The following MTPN variants were observed in gnomAD, a reference collection of about 807,000 sequenced individuals.
The protein encoded by MTPN is granule cell differentiation protein.
Under a neutral mutation model 13.5 loss-of-function variants are expected in MTPN, and 2 were observed. The ratio of observed to expected loss-of-function variants is 0.15; its 90% CI spans 0.06 to 0.47. MTPN has a LOEUF of 0.47. Among genes scored for constraint, MTPN ranks in the 20% least tolerant of loss-of-function variants. The pLI, the probability that MTPN is intolerant of heterozygous loss-of-function variation, is 0.97. For synonymous variants in MTPN, 46 were observed against 51.7 expected, an observed-to-expected ratio of 0.89 and a Z score of 0.48; for missense variants, 79 against 137.9, an observed-to-expected ratio of 0.57 and a Z score of 2.14.
At chr7:135,949,689 T>C (rs73164907) in intron 3 of MTPN, among the ~76,000 whole-genome samples, 12,077 of 152,278 alleles carry the variant, frequency 0.079, 540 homozygotes, top group South Asian at 0.15. Context: ...TTCCCAATTT[T>C]CTTCGTATCT....
intron 3 of MTPN, among the ~76,000 whole-genome samples, chr7:135,936,858 T>C (rs779599031): frequency 6.6e-6 from 1 of 152,208 alleles, no homozygotes; most frequent in East Asian, 1.9e-4. Flanking sequence ...TTTTAAGGCA[T>C]TGCAAGTAAT....
intron 1 of MTPN, among the ~76,000 whole-genome samples, chr7:135,965,589 A>G (rs992408884): frequency 8.5e-5 from 13 of 152,134 alleles, no homozygotes; most frequent in African/African-American, 3.1e-4. Flanking sequence ...AAGCATGCAC[A>G]AAACTATCTT....
At chr7:135,940,955 T>C (rs187244567) in intron 3 of MTPN, among the ~76,000 whole-genome samples, 9 of 152,334 alleles carry the variant, frequency 5.9e-5, no homozygotes, top group East Asian at 1.9e-4. Flanking sequence ...TACTGGAACA[T>C]ACCTAGGCTC....
chr7:135,935,002 G>A (rs1799092612), intron 3 of MTPN, among the ~76,000 whole-genome samples: 1 of 152,118 alleles, frequency 6.6e-6, no homozygotes, highest in African/African-American at 2.4e-5. Flanking sequence ...TAAATACCTT[G>A]AATTCAACCT....
chr7:135,957,820 T>TCC (rs1355189178), intron 1 of MTPN, among the ~76,000 whole-genome samples: 11 of 152,080 alleles, frequency 7.2e-5, no homozygotes, highest in African/African-American at 2.7e-4. Context: ...TGGCACCTCC[T>TCC]CCCTCCCTTG....
In MTPN at chr7:135,950,478, T is replaced by A; in HGVS notation, c.270+121A>T. ...ATTTTGAGTAACACTACACTTCAATTTTGTATATTGCTTCCAGTTTTCTGT... is the reference window on the plus strand; with the variant it reads ...ATTTTGAGTAACACTACACTTCAATATTGTATATTGCTTCCAGTTTTCTGT... On this transcript the variant is annotated intron_variant, in intron 3 of 3. Transcript: ENST00000393085. The A allele has an allele frequency of 3.7e-6, 3 of 810,014 alleles. No individual in the cohort carries two copies. The South Asian group carries it at 5.0e-5, about 14-fold the overall frequency. The allele number at this position is 810,014 out of a possible 1,614,324, so 50.2% of individuals were successfully genotyped here. A position where few individuals can be genotyped will look rare whatever the true frequency, so the allele number is the denominator to read the frequency against.
In MTPN at chr7:135,928,698, G is replaced by C. The variant is rs917861206; in HGVS notation, c.*1228C>G. On this transcript the variant is annotated 3_prime_UTR_variant, in exon 4 of 4. Coordinates refer to ENST00000393085, the MANE Select transcript of MTPN (RefSeq NM_145808.4). ...TGTAAATATTTTCTGCAGGTCATAA[G>C]AACACCATTTTAGGGCACTGTATTC... 1.2e-5 allele frequency: 2 copies of C among 166,954 alleles called. No homozygotes were observed. Among genetic ancestry groups the C allele is most frequent in the African/African-American group, 4.8e-5 (2 of 41,436 alleles). The allele number at this position is 166,954 out of a possible 1,614,324, so 10.3% of individuals were successfully genotyped here. A position where few individuals can be genotyped will look rare whatever the true frequency, so the allele number is the denominator to read the frequency against.
At chr7:135,962,318 A>C (rs554201054) in intron 1 of MTPN, among the ~76,000 whole-genome samples, 2 of 152,110 alleles carry the variant, frequency 1.3e-5, no homozygotes, top group South Asian at 4.1e-4. Flanking sequence ...AAAATGAATG[A>C]ATGAACAAAA....
chr7:135,948,597 A>G (rs1450881290), intron 3 of MTPN, among the ~76,000 whole-genome samples: 1 of 152,208 alleles, frequency 6.6e-6, no homozygotes, highest in African/African-American at 2.4e-5. Context: ...TCAGGAACTC[A>G]TTTAATGTTT....
At position 135,927,294 on chromosome 7, in the gene MTPN, T is replaced by C; in HGVS notation, c.*2632A>G. On this transcript the variant is annotated 3_prime_UTR_variant, in exon 4 of 4. Transcript: ENST00000393085. ...TGGGTTTAGAAAGGTGAGCTATGCGTAGAAGAACTACTTGGGATATTCAAG... is the reference window on the plus strand; with the variant it reads ...TGGGTTTAGAAAGGTGAGCTATGCGCAGAAGAACTACTTGGGATATTCAAG... 1.3e-6 allele frequency: 2 copies of C among 1,550,148 alleles called. No homozygotes were observed. Among genetic ancestry groups the C allele is most frequent in the Non-Finnish European group, 1.7e-6 (2 of 1,146,354 alleles).
intron 3 of MTPN, among the ~76,000 whole-genome samples, chr7:135,941,203 G>A (rs1799204339): frequency 6.6e-6 from 1 of 152,164 alleles, no homozygotes; most frequent in Admixed American, 6.5e-5. Flanking sequence ...ACTAAAAATA[G>A]GAAAGACCAT....
At chr7:135,932,617 A>G (rs974593710) in intron 3 of MTPN, 14 of 151,980 alleles carry the variant, frequency 9.2e-5, no homozygotes, top group African/African-American at 3.1e-4. Context: ...TACTTCTTTA[A>G]AAATAGTTGA....
At chr7:135,939,214 G>A (rs555213010) in intron 3 of MTPN, among the ~76,000 whole-genome samples, 2 of 152,170 alleles carry the variant, frequency 1.3e-5, no homozygotes, top group African/African-American at 2.4e-5. Flanking sequence ...TTCGAAAAAC[G>A]TAAAGCATCA....
chr7:135,946,312 A>T (rs1312931817), intron 3 of MTPN, among the ~76,000 whole-genome samples: 2 of 152,230 alleles, frequency 1.3e-5, no homozygotes, highest in African/African-American at 2.4e-5. Context: ...TACATTAAAA[A>T]ATCTTTTCAA....
chr7:135,956,555 AGC>A (rs1799446780), intron 1 of MTPN, among the ~76,000 whole-genome samples: 1 of 152,100 alleles, frequency 6.6e-6, no homozygotes, highest in African/African-American at 2.4e-5. Context: ...CTTCATTCTC[AGC>A]AGATGAGCCC....
chr7:135,963,058 C>T (rs1053209316), intron 1 of MTPN, among the ~76,000 whole-genome samples: 9 of 151,958 alleles, frequency 5.9e-5, no homozygotes, highest in Non-Finnish European at 8.8e-5. Flanking sequence ...CACTTTGTAC[C>T]ACAGCATGTA....
chr7:135,962,281 G>A (rs1799535833), intron 1 of MTPN, among the ~76,000 whole-genome samples: 1 of 151,384 alleles, frequency 6.6e-6, no homozygotes, highest in South Asian at 2.1e-4. Context: ...TACCAAAAGC[G>A]TTAGCACAAA....
chr7:135,974,107 G>T (rs1799737459), intron 1 of MTPN, among the ~76,000 whole-genome samples: 1 of 152,142 alleles, frequency 6.6e-6, no homozygotes, highest in Non-Finnish European at 1.5e-5. Context: ...TTTGGGGACT[G>T]TGAACTGACT....
intron 3 of MTPN, among the ~76,000 whole-genome samples, chr7:135,941,713 T>A (rs1799212617): frequency 2.0e-5 from 3 of 152,116 alleles, no homozygotes; most frequent in Admixed American, 1.3e-4. Flanking sequence ...GTACCCCTAG[T>A]AAAAATATGA....
Sources: gnomAD v4.1 joint callset for allele counts (sites outside exome capture counted in the v4.1 genomes callset) on GRCh38, gnomAD v4.1.1 for gene constraint, MANE v1.5 for transcripts, NCBI Gene and HGNC (gene_info 2026-07-23, HGNC 2026-07-21) for gene names.